The following NAALADL2 variants were observed in gnomAD, a reference collection of about 807,000 sequenced individuals.
NAALADL2 encodes the protein N-acetylated alpha-linked acidic dipeptidase like 2.
In NAALADL2, 76 loss-of-function variants were observed where a neutral mutation model predicts 87.2. The ratio of observed to expected loss-of-function variants is 0.87; its 90% CI spans 0.72 to 1.05. The LOEUF is 1.05. Ranked by LOEUF, NAALADL2 falls within the 50% of genes least tolerant of loss-of-function variation. NAALADL2 has a pLI of 0.00. For missense variants in NAALADL2, 1,089 were observed against 945.8 expected, an observed-to-expected ratio of 1.15 and a Z score of -1.99; for synonymous variants, 354 against 331.0, an observed-to-expected ratio of 1.07 and a Z score of -0.75.
At chr3:174,924,985 A>C (rs1735780450) in intron 1 of NAALADL2, among the ~76,000 whole-genome samples, 1 of 151,986 alleles carries the variant, frequency 6.6e-6, no homozygotes, top group Non-Finnish European at 1.5e-5. Flanking sequence ...TTGTCAGATG[A>C]GTAGATTGCA....
At chr3:175,693,201 G>A (rs1737272725) in intron 11 of NAALADL2, among the ~76,000 whole-genome samples, 2 of 152,170 alleles carry the variant, frequency 1.3e-5, no homozygotes, top group Non-Finnish European at 2.9e-5. Context: ...AAGCTTTAGT[G>A]TCCAGAGATT....
At chr3:174,933,780 T>G (rs1737263447) in intron 1 of NAALADL2, among the ~76,000 whole-genome samples, 1 of 152,174 alleles carries the variant, frequency 6.6e-6, no homozygotes, top group Non-Finnish European at 1.5e-5. Flanking sequence ...TATAAACATG[T>G]TTGCTCTCAG....
rs531463210 is a variant in NAALADL2 at position 175,021,888 on chromosome 3, T to C, written c.44-74902T>C. Reference sequence around the variant, plus strand: ...TTTGGGTATTTGTCCCCTTCAGATCTCAAGTTGAAATGTGATCTTCAATGT... The same window carrying C: ...TTTGGGTATTTGTCCCCTTCAGATCCCAAGTTGAAATGTGATCTTCAATGT... On this transcript the variant is annotated intron_variant, in intron 1 of 13. Transcript: ENST00000454872. Among the ~76,000 whole-genome samples, 142 of 152,212 alleles carry C rather than the reference T, an allele frequency of 9.3e-4. 1 individual carries two copies. Among genetic ancestry groups the C allele is most frequent in the African/African-American group, 3.3e-3 (136 of 41,560 alleles).
chr3:174,899,954 G>C (rs867080645), intron 1 of NAALADL2, among the ~76,000 whole-genome samples: 19 of 151,416 alleles, frequency 1.3e-4, no homozygotes, highest in Middle Eastern at 3.4e-3. Flanking sequence ...GATAAGTGTA[G>C]GTTCTTTAAA....
At chr3:174,491,543 TTAAA>T (rs1344900011) in intron 1 of NAALADL2, among the ~76,000 whole-genome samples, 1 of 152,218 alleles carries the variant, frequency 6.6e-6, no homozygotes, top group East Asian at 1.9e-4. Context: ...AACTCTATGT[TTAAA>T]TAAATTAATT....
At position 175,804,424 on chromosome 3, in the gene NAALADL2, C is replaced by A. The variant is rs577974303; in HGVS notation, c.*1221C>A. On this transcript the variant is annotated 3_prime_UTR_variant, in exon 14 of 14. Coordinates refer to ENST00000454872, the MANE Select transcript of NAALADL2 (RefSeq NM_207015.3). ...AACTAAGCTTTTTATATTGACATTG[C>A]CATTGAATAGCTCTAGCAACTATTA... 6.6e-5 allele frequency: 10 copies of A among 151,836 alleles called. No individual in the cohort carries two copies. The highest frequency in any genetic ancestry group is 6.2e-4 in the South Asian group (3 of 4,824). The allele number at this position is 151,836 out of a possible 1,614,324, so 9.4% of individuals were successfully genotyped here.
Position 175,256,361 on chromosome 3 carries a change from T to A in NAALADL2, c.820-50T>A. 3 of 1,543,764 alleles carry A rather than the reference T, an allele frequency of 1.9e-6. No individual in the cohort carries two copies. The South Asian group carries it at 3.7e-5, about 19-fold the overall frequency. On this transcript the variant is annotated intron_variant, in intron 3 of 13. Transcript: ENST00000454872. ...GTTATACTAAATGGACAATTGGCTA[T>A]ACTTCTTCCTCTGAGGCTTTATTTT...
At chr3:175,151,578 G>T (rs1731546974) in intron 2 of NAALADL2, among the ~76,000 whole-genome samples, 3 of 151,844 alleles carry the variant, frequency 2.0e-5, no homozygotes, top group Non-Finnish European at 4.4e-5. Flanking sequence ...ACTCTCTGTG[G>T]GCCAGGAGTC....
At chr3:174,613,767 T>C (rs769113690) in intron 2 of NAALADL2, among the ~76,000 whole-genome samples, 4 of 152,196 alleles carry the variant, frequency 2.6e-5, no homozygotes, top group Non-Finnish European at 5.9e-5. Flanking sequence ...CATTTGGTAG[T>C]CTACCCTTCT....
intron 1 of NAALADL2, among the ~76,000 whole-genome samples, chr3:174,919,802 A>T (rs907142318): frequency 6.6e-6 from 1 of 152,192 alleles, no homozygotes; most frequent in East Asian, 1.9e-4. Context: ...CAGCTTTATG[A>T]AATGTGTTCC....
intron 1 of NAALADL2, among the ~76,000 whole-genome samples, chr3:174,527,944 C>T (rs1720912003): frequency 6.6e-6 from 1 of 152,162 alleles, no homozygotes; most frequent in African/African-American, 2.4e-5. Context: ...TCTGGCTCAA[C>T]ACCAGTTTTG....
intron 2 of NAALADL2, among the ~76,000 whole-genome samples, chr3:174,732,336 C>T (rs1245251666): frequency 1.3e-5 from 2 of 151,828 alleles, no homozygotes; most frequent in Non-Finnish European, 2.9e-5. Flanking sequence ...TAAGTAGAAA[C>T]TAGGCAAGAG....
At chr3:175,042,000 C>G (rs1398179146) in intron 1 of NAALADL2, among the ~76,000 whole-genome samples, 1 of 152,124 alleles carries the variant, frequency 6.6e-6, no homozygotes, top group Non-Finnish European at 1.5e-5. Flanking sequence ...CTATAGTCAG[C>G]ATGCTGTACA....
chr3:175,115,465 C>A (rs1255570648), intron 2 of NAALADL2, among the ~76,000 whole-genome samples: 2 of 147,370 alleles, frequency 1.4e-5, no homozygotes, highest in Admixed American at 6.9e-5. Context: ...TCACAAGTCA[C>A]ATGTAAAACT....
At chr3:174,837,361 A>T (rs755317856) in intron 3 of NAALADL2, among the ~76,000 whole-genome samples, 3 of 152,350 alleles carry the variant, frequency 2.0e-5, no homozygotes, top group African/African-American at 7.2e-5. Flanking sequence ...GCTACTGTGA[A>T]CACCTTTATG....
intron 9 of NAALADL2, among the ~76,000 whole-genome samples, chr3:175,479,768 A>C (rs2149315600): frequency 6.6e-6 from 1 of 151,916 alleles, no homozygotes; most frequent in South Asian, 2.1e-4. Context: ...CATAGTTACT[A>C]CTACTAACTG....
chr3:174,860,654 C>G (rs1373386922), intron 1 of NAALADL2, among the ~76,000 whole-genome samples: 1 of 152,058 alleles, frequency 6.6e-6, no homozygotes, highest in African/African-American at 2.4e-5. Context: ...ACCTAAATAG[C>G]CTATTCTAGG....
chr3:174,981,521 T>C (rs527999096), intron 1 of NAALADL2, among the ~76,000 whole-genome samples: 29 of 152,320 alleles, frequency 1.9e-4, no homozygotes, highest in African/African-American at 6.3e-4. Flanking sequence ...TGGTACTTGG[T>C]TCTGAAAGAG....
intron 2 of NAALADL2, among the ~76,000 whole-genome samples, chr3:175,177,900 G>T (rs1735921669): frequency 6.6e-6 from 1 of 151,830 alleles, no homozygotes; most frequent in African/African-American, 2.4e-5. Flanking sequence ...AAAAGCAGCA[G>T]AATTATTTTC....
Sources: gnomAD v4.1 joint callset for allele counts (sites outside exome capture counted in the v4.1 genomes callset) on GRCh38, gnomAD v4.1.1 for gene constraint, MANE v1.5 for transcripts, NCBI Gene and HGNC (gene_info 2026-07-23, HGNC 2026-07-21) for gene names.